Variants in SMYD3 observed in about 807,000 individuals in gnomAD.
SMYD3 encodes the protein histone-lysine N-methyltransferase SMYD3.
SMYD3 carries 36 observed loss-of-function variants against 57.7 expected under a neutral mutation model. The observed-to-expected ratio is 0.62, with a 90% CI of 0.48 to 0.82. The LOEUF is 0.82. Among genes scored for constraint, SMYD3 ranks in the 40% least tolerant of loss-of-function variants. SMYD3 has a pLI of 0.00. For missense variants in SMYD3, 515 were observed against 538.8 expected, an observed-to-expected ratio of 0.96 and a Z score of 0.44; for synonymous variants, 211 against 195.0, an observed-to-expected ratio of 1.08 and a Z score of -0.68.
chr1:246,471,673 C>A (rs1055901110), intron 1 of SMYD3, among the ~76,000 whole-genome samples: 1 of 152,234 alleles, frequency 6.6e-6, no homozygotes, highest in African/African-American at 2.4e-5. Flanking sequence ...TGCACTGGCG[C>A]TCTGCTTACT....
intron 5 of SMYD3, among the ~76,000 whole-genome samples, chr1:246,149,680 T>C (rs928273869): frequency 2.6e-5 from 4 of 152,216 alleles, no homozygotes; most frequent in African/African-American, 9.6e-5. Flanking sequence ...GTTACCATGT[T>C]TTAAAAATTA....
At chr1:245,807,310 T>G (rs2048229769) in intron 10 of SMYD3, among the ~76,000 whole-genome samples, 1 of 151,914 alleles carries the variant, frequency 6.6e-6, no homozygotes, top group African/African-American at 2.4e-5. Flanking sequence ...AAATTGCTTA[T>G]GATTACAGCT....
chr1:246,061,981 A>C (rs1267915199), intron 5 of SMYD3, among the ~76,000 whole-genome samples: 2 of 152,168 alleles, frequency 1.3e-5, no homozygotes, highest in Non-Finnish European at 2.9e-5. Flanking sequence ...TGAAAAAGGG[A>C]AGTGAATTGA....
chr1:245,889,774 T>A (rs1342747465), intron 8 of SMYD3, among the ~76,000 whole-genome samples: 1 of 152,202 alleles, frequency 6.6e-6, no homozygotes, highest in Non-Finnish European at 1.5e-5. Flanking sequence ...AGGTCCAGAA[T>A]AGCCAAAGCC....
At chr1:246,406,036 G>A (rs993583431) in intron 1 of SMYD3, among the ~76,000 whole-genome samples, 7 of 151,948 alleles carry the variant, frequency 4.6e-5, no homozygotes, top group Non-Finnish European at 7.4e-5. Flanking sequence ...AGGTTAAATC[G>A]CTGCAACAGT....
rs1479820073 is a variant in SMYD3, at chr1:245,847,737, A to G, written c.1076+10759T>C. Among the ~76,000 whole-genome samples the G allele has an allele frequency of 2.6e-5, 4 of 152,192 alleles. No individual in the cohort carries two copies. The East Asian group carries it at 7.7e-4, about 29-fold the overall frequency. On this transcript the variant is annotated intron_variant, in intron 10 of 11. Coordinates refer to ENST00000490107, the MANE Select transcript of SMYD3 (RefSeq NM_001167740.2). ...AATTTGGTATCCTGCTGCTTAGAGTACAATTTGTTGTAATAAGAAACTGAA... is the reference window on the plus strand; with the variant it reads ...AATTTGGTATCCTGCTGCTTAGAGTGCAATTTGTTGTAATAAGAAACTGAA...
chr1:246,011,474 T>C (rs1203487702), intron 5 of SMYD3, among the ~76,000 whole-genome samples: 2 of 152,174 alleles, frequency 1.3e-5, no homozygotes, highest in African/African-American at 4.8e-5. Context: ...CACTACAGGT[T>C]TGGCCTATGT....
At chr1:246,032,834 T>A (rs2059701959) in intron 5 of SMYD3, among the ~76,000 whole-genome samples, 1 of 152,174 alleles carries the variant, frequency 6.6e-6, no homozygotes, top group African/African-American at 2.4e-5. Flanking sequence ...AAGATGTAGA[T>A]TTGGAGAGTT....
intron 1 of SMYD3, among the ~76,000 whole-genome samples, chr1:246,494,942 T>C (rs1572056539): frequency 6.6e-6 from 1 of 152,332 alleles, no homozygotes; most frequent in Middle Eastern, 3.4e-3. Context: ...GTGGCAATTT[T>C]ACCTTAGCCC....
chr1:246,331,974 CT>C (rs11316452), intron 3 of SMYD3, among the ~76,000 whole-genome samples: 130,121 of 152,216 alleles, frequency 0.85, 55,906 homozygotes, highest in African/African-American at 0.91. Flanking sequence ...CGCCGACCGG[CT>C]TATTCCCACT....
At chr1:245,749,789 A>G in intron 11 of SMYD3, 125 bp from the exon 12 acceptor site, 2 of 672,272 alleles carry the variant, frequency 3.0e-6, no homozygotes, top group South Asian at 3.7e-5. Context: ...AACAGTCTTT[A>G]ACAGGCTTAC....
intron 1 of SMYD3, among the ~76,000 whole-genome samples, chr1:246,430,507 G>T (rs901164891): frequency 2.0e-5 from 3 of 152,220 alleles, no homozygotes; most frequent in Admixed American, 2.0e-4. Flanking sequence ...CAGCACATTT[G>T]GTAGGCAAGA....
chr1:245,867,907 G>A (rs2051969507), intron 8 of SMYD3, among the ~76,000 whole-genome samples: 1 of 152,258 alleles, frequency 6.6e-6, no homozygotes, highest in South Asian at 2.1e-4. Context: ...CCAGGAACAT[G>A]AGGCCAGCAT....
chr1:245,881,452 A>T (rs2052772995), intron 8 of SMYD3, among the ~76,000 whole-genome samples: 1 of 152,174 alleles, frequency 6.6e-6, no homozygotes, highest in African/African-American at 2.4e-5. Context: ...ACTACCATGA[A>T]ATTGTTTTAT....
intron 5 of SMYD3, among the ~76,000 whole-genome samples, chr1:246,146,351 T>C (rs1418097016): frequency 6.6e-6 from 1 of 152,092 alleles, no homozygotes; most frequent in Non-Finnish European, 1.5e-5. Context: ...ACTACAGAAC[T>C]GTAAATGGAC....
intron 5 of SMYD3, among the ~76,000 whole-genome samples, chr1:246,062,531 C>T (rs1359748075): frequency 1.3e-5 from 2 of 152,110 alleles, no homozygotes; most frequent in African/African-American, 4.8e-5. Context: ...TACAATTTTC[C>T]CAATTACAAA....
At chr1:246,506,994 C>CCCCCCCCCCCCCCCCCCCCA in intron 1 of SMYD3, 60 bp downstream of exon 1, 1 of 894,060 alleles carries the variant, frequency 1.1e-6, no homozygotes, top group Non-Finnish European at 1.5e-6. Flanking sequence ...CCGACGCCCC[C>CCCCCCCCCCCCCCCCCCCCA]CCCTCCCCAG....
At chr1:246,276,463 G>A (rs1442676862) in intron 5 of SMYD3, among the ~76,000 whole-genome samples, 1 of 146,088 alleles carries the variant, frequency 6.8e-6, no homozygotes, top group Admixed American at 6.8e-5. Flanking sequence ...AACACTGGCA[G>A]GTTATTTAAT....
rs139551181 is a variant in SMYD3 at position 246,044,960 on chromosome 1, C to T, written c.532-115023G>A. Among the ~76,000 whole-genome samples the T allele has an allele frequency of 6.7e-3, 1,017 of 152,180 alleles. 6 individuals are homozygous for T. Among genetic ancestry groups the T allele is most frequent in the South Asian group, 0.03 (144 of 4,818 alleles). On this transcript the variant is annotated intron_variant, in intron 5 of 11. Coordinates refer to ENST00000490107, the MANE Select transcript of SMYD3 (RefSeq NM_001167740.2). Reference sequence around the variant, plus strand: ...GACCTCTTCAAGGAGAACTACAAACCACTGCTCAACGAAATAAAAGAGGAC... The same window carrying T: ...GACCTCTTCAAGGAGAACTACAAACTACTGCTCAACGAAATAAAAGAGGAC...
Sources: allele counts gnomAD v4.1 joint callset (sites outside exome capture counted in the v4.1 genomes callset), GRCh38; gene constraint gnomAD v4.1.1; transcripts MANE v1.5; gene names NCBI Gene and HGNC (gene_info 2026-07-23, HGNC 2026-07-21).